Variants in ACOT7 observed in about 807,000 individuals in gnomAD.
The protein encoded by ACOT7 is acyl-CoA thioesterase 7, also known as cytosolic acyl coenzyme A thioester hydrolase.
ACOT7 carries 12 observed loss-of-function variants against 40.2 expected under a neutral mutation model. The observed-to-expected ratio is 0.30, with a 90% confidence interval of 0.19 to 0.48. The LOEUF is 0.48. ACOT7 is among the 20% of genes least tolerant of loss of function. ACOT7 has a pLI of 0.99. For missense variants in ACOT7, 395 were observed against 530.8 expected, an observed-to-expected ratio of 0.74 and a Z score of 2.51; for synonymous variants, 228 against 219.5, an observed-to-expected ratio of 1.04 and a Z score of -0.34.
At chr1:6,368,003 T>C (rs1571347285) in intron 1 of ACOT7, among the ~76,000 whole-genome samples, 1 of 152,198 alleles carries the variant, frequency 6.6e-6, no homozygotes, top group East Asian at 1.9e-4. Flanking sequence ...TCCTGTCATC[T>C]TTCTGTCCTC....
intron 3 of ACOT7, 64 bp from the exon 4 acceptor site, chr1:6,333,632 G>A (rs1571316985): frequency 6.5e-7 from 1 of 1,532,902 alleles, no homozygotes; most frequent in Admixed American, 1.7e-5. Context: ...GAGCGTCCAG[G>A]CACGTGGCAG....
chr1:6,340,230 T>C (rs1641238129), intron 2 of ACOT7, among the ~76,000 whole-genome samples: 1 of 152,050 alleles, frequency 6.6e-6, no homozygotes, highest in East Asian at 1.9e-4. Flanking sequence ...CCTCCCAAAG[T>C]GCTGGGATTA....
chr1:6,385,292 T>G (rs1352128737), intron 1 of ACOT7, among the ~76,000 whole-genome samples: 2 of 151,350 alleles, frequency 1.3e-5, no homozygotes, highest in Non-Finnish European at 2.9e-5. Context: ...CGCTCGTCCC[T>G]AGGGGAAGAA....
At chr1:6,270,366 C>G (rs759700822) in intron 8 of ACOT7, among the ~76,000 whole-genome samples, 1 of 152,172 alleles carries the variant, frequency 6.6e-6, no homozygotes. Flanking sequence ...CTCAAGTCCC[C>G]GAGGCTGCTG....
At position 6,288,336 on chromosome 1, in the gene ACOT7, C is replaced by T. The variant is rs535766065; in HGVS notation, c.829+6528G>A. On this transcript the variant is annotated intron_variant, in intron 7 of 8. Coordinates refer to ENST00000361521, the MANE Select transcript of ACOT7 (RefSeq NM_007274.4). The surrounding 1 kb of genome is among the most constrained non-coding windows in gnomAD (Gnocchi z 4.3). The stretch of plus-strand genomic sequence containing the variant: ...ATGAGATCCAGTCGCACAGATGAAG[C>T]GGTCCTTCCTTCACCCCAACTGCCT... Among the ~76,000 whole-genome samples, 2 of 152,324 alleles carry T rather than the reference C, an allele frequency of 1.3e-5. No individual in the cohort carries two copies. The highest frequency in any genetic ancestry group is 6.5e-5 in the Admixed American group (1 of 15,302).
intron 1 of ACOT7, among the ~76,000 whole-genome samples, chr1:6,377,021 A>G (rs1239142488): frequency 6.6e-6 from 1 of 152,200 alleles, no homozygotes; most frequent in Non-Finnish European, 1.5e-5. Context: ...GCAAATTAAA[A>G]CAACACTGAG....
intron 7 of ACOT7, among the ~76,000 whole-genome samples, chr1:6,293,943 G>A (rs1639740864): frequency 6.6e-6 from 1 of 152,218 alleles, no homozygotes; most frequent in Admixed American, 6.5e-5. Context: ...GGGCTACCCG[G>A]GGCCTGGGAG....
chr1:6,324,415 A>G (rs1209312389), intron 5 of ACOT7, among the ~76,000 whole-genome samples: 1 of 152,244 alleles, frequency 6.6e-6, no homozygotes, highest in East Asian at 1.9e-4. Flanking sequence ...AGTGAATAAC[A>G]CATTCTGAAA....
At position 6,284,576 on chromosome 1, in the gene ACOT7, CAAAAAAAAAA is replaced by C. The variant is rs561943319; in HGVS notation, c.830-3300_830-3291del. Among the ~76,000 whole-genome samples the C allele has an allele frequency of 1.0e-4, 6 of 58,002 alleles. No individual in the cohort carries two copies. The East Asian group carries it at 1.7e-3, about 17-fold the overall frequency. 38.1% of individuals were successfully genotyped at this position (58,002 alleles called of 152,430 possible). ...GGGCAACAAGAGCGAAACTCCATCTCAAAAAAAAAAAAAAAAAAAAAAAGAATTCCAGCAT... is the reference window on the plus strand; with the variant it reads ...GGGCAACAAGAGCGAAACTCCATCTCAAAAAAAAAAAAAGAATTCCAGCAT... On this transcript the variant is annotated intron_variant, in intron 7 of 8. Coordinates refer to ENST00000361521, the MANE Select transcript of ACOT7 (RefSeq NM_007274.4).
In ACOT7 at chr1:6,306,999, C is replaced by T; in HGVS notation, c.712+11493G>A. ...CCATGTTTTCTCTGCCTTCCCTTTC[C>T]TCTGCCTCCTCCTATAGTCTCAGGC... On this transcript the variant is annotated intron_variant, in intron 6 of 8. Transcript: ENST00000361521. The surrounding 1 kb of genome is among the most constrained non-coding windows in gnomAD (Gnocchi z 4.3). The T allele has an allele frequency of 9.2e-7, 1 of 1,091,354 alleles. No individual in the cohort carries two copies. Among genetic ancestry groups the T allele is most frequent in the Non-Finnish European group, 1.2e-6 (1 of 814,726 alleles). 67.6% of individuals were successfully genotyped at this position (1,091,354 alleles called of 1,614,324 possible).
rs939857580 is a variant in ACOT7 at position 6,330,175 on chromosome 1, C to T, written c.511-2762G>A. Among the ~76,000 whole-genome samples the T allele has an allele frequency of 3.0e-4, 45 of 152,258 alleles. 1 individual carries two copies. The highest frequency in any genetic ancestry group is 4.3e-4 in the Non-Finnish European group (29 of 68,034). ...ATCTGTATATCTATACATACAGGGA[C>T]GTACATTTTCCTAAATCGGGGATGG... On this transcript the variant is annotated intron_variant, in intron 4 of 8. Coordinates refer to ENST00000361521, the MANE Select transcript of ACOT7 (RefSeq NM_007274.4). The surrounding 1 kb of genome is among the most constrained non-coding windows in gnomAD (Gnocchi z 4.6).
intron 6 of ACOT7, among the ~76,000 whole-genome samples, chr1:6,309,750 T>C (rs1571295857): frequency 6.6e-6 from 1 of 152,222 alleles, no homozygotes; most frequent in South Asian, 2.1e-4. Flanking sequence ...ACGCTCTTTG[T>C]GGTCAAGTGC....
chr1:6,346,661 C>T (rs146713721), intron 2 of ACOT7, among the ~76,000 whole-genome samples: 39 of 152,336 alleles, frequency 2.6e-4, no homozygotes, highest in African/African-American at 9.1e-4. Context: ...TCCACATCTC[C>T]CTGGCTACTG....
At chr1:6,308,804 T>TGGGCGGAGGGAAAAGCGACC (rs1167456508) in intron 6 of ACOT7, among the ~76,000 whole-genome samples, 2 of 151,402 alleles carry the variant, frequency 1.3e-5, no homozygotes, top group African/African-American at 4.9e-5. Flanking sequence ...GAAAAGCGAC[T>TGGGCGGAGGGAAAAGCGACC]GGGCGGAGGG....
intron 1 of ACOT7, among the ~76,000 whole-genome samples, chr1:6,391,033 C>T (rs895372908): frequency 6.6e-6 from 1 of 151,938 alleles, no homozygotes; most frequent in African/African-American, 2.4e-5. Flanking sequence ...CAGTGGCTCA[C>T]GCCTGTAATC....
rs144467130 is a variant in ACOT7 at position 6,361,309 on chromosome 1, G to T, written c.144-11443C>A. On this transcript the variant is annotated intron_variant, in intron 1 of 8. Transcript: ENST00000361521. ...CTACAGAAACAGAAAGTCAGCTGGTGGGGGGCAGGGGCTGGAGGAGGGGAA... is the reference window on the plus strand; with the variant it reads ...CTACAGAAACAGAAAGTCAGCTGGTTGGGGGCAGGGGCTGGAGGAGGGGAA... Among the ~76,000 whole-genome samples, 707 of 152,278 alleles carry T rather than the reference G, an allele frequency of 4.6e-3. 7 individuals carry two copies. The highest frequency in any genetic ancestry group is 0.016 in the African/African-American group (663 of 41,552).
intron 6 of ACOT7, among the ~76,000 whole-genome samples, chr1:6,314,040 A>G (rs1399086575): frequency 6.6e-6 from 1 of 152,226 alleles, no homozygotes; most frequent in Non-Finnish European, 1.5e-5. Flanking sequence ...AGAATGAGCA[A>G]CGTGGAGGAG....
chr1:6,372,114 C>T (rs1184596951), intron 1 of ACOT7, among the ~76,000 whole-genome samples: 1 of 151,938 alleles, frequency 6.6e-6, no homozygotes, highest in African/African-American at 2.4e-5. Flanking sequence ...ATTCGGATAA[C>T]CTGCTGCAGC....
chr1:6,296,514 C>T (rs2148397421), intron 6 of ACOT7, among the ~76,000 whole-genome samples: 1 of 152,152 alleles, frequency 6.6e-6, no homozygotes, highest in African/African-American at 2.4e-5. Flanking sequence ...ACCTCTGCCT[C>T]CCAGGTTCAA....
Sources: gnomAD v4.1 joint callset for allele counts (sites outside exome capture counted in the v4.1 genomes callset) on GRCh38, gnomAD v4.1.1 for gene constraint, Gnocchi (gnomAD v3.1) non-coding constraint, MANE v1.5 for transcripts, NCBI Gene and HGNC (gene_info 2026-07-23, HGNC 2026-07-21) for gene names.